The following TEC variants were observed in gnomAD, a reference collection of about 807,000 sequenced individuals.
TEC encodes the protein tyrosine-protein kinase Tec.
Under a neutral mutation model 93.0 loss-of-function variants are expected in TEC, and 72 were observed. The ratio of observed to expected loss-of-function variants is 0.77; its 90% CI spans 0.64 to 0.94. TEC has a LOEUF of 0.94. TEC is among the 40% of genes least tolerant of loss of function. The pLI is 0.00. For synonymous variants in TEC, 249 were observed against 247.7 expected (o/e 1.01, Z -0.05); for missense variants, 630 against 757.9 (o/e 0.83, Z 1.98).
At position 48,233,050 on chromosome 4, in the gene TEC, C is replaced by A. The variant is rs557167358; in HGVS notation, c.-45-4391G>T. 2.0e-5 allele frequency among the ~76,000 whole-genome samples: 3 copies of A among 152,264 alleles called. No individual in the cohort carries two copies. The South Asian group carries it at 6.2e-4, about 32-fold the overall frequency. The stretch of plus-strand genomic sequence containing the variant: ...AAAACTAGAGGTTTATTTCGGAAGA[C>A]TATAAAACACAGGGTCTCTATCCTG... On this transcript the variant is annotated intron_variant, in intron 1 of 17. Coordinates refer to ENST00000381501, the MANE Select transcript of TEC (RefSeq NM_003215.3).
At chr4:48,191,546 C>T (rs1391574988) in intron 2 of TEC, among the ~76,000 whole-genome samples, 1 of 152,108 alleles carries the variant, frequency 6.6e-6, no homozygotes, top group Non-Finnish European at 1.5e-5. Context: ...GACTATAATG[C>T]ATAAAATATC....
Position 48,225,163 on chromosome 4 carries a change from T to G in TEC, c.138+3314A>C, listed in dbSNP as rs578136324. 7.2e-5 allele frequency among the ~76,000 whole-genome samples: 11 copies of G among 152,174 alleles called. No homozygotes were observed. In the South Asian group the frequency reaches 2.1e-3, roughly 29 times the overall value. ...CACAGATTACTCATGTCACATCCTT[T>G]TTTTCTCTTTCTTTTTTTCTTTTCC... On this transcript the variant is annotated intron_variant, in intron 2 of 17. Transcript: ENST00000381501.
intron 5 of TEC, among the ~76,000 whole-genome samples, chr4:48,169,792 A>T (rs933301871): frequency 2.0e-5 from 3 of 152,220 alleles, no homozygotes; most frequent in African/African-American, 7.2e-5. Flanking sequence ...CTCAACATTT[A>T]CATGTGAGTA....
At chr4:48,213,158 A>G (rs532189931) in intron 2 of TEC, among the ~76,000 whole-genome samples, 1 of 152,364 alleles carries the variant, frequency 6.6e-6, no homozygotes, top group South Asian at 2.1e-4. Context: ...ATAAAGATAG[A>G]ATAAGAAACA....
At chr4:48,222,831 G>A (rs1723310772) in intron 2 of TEC, among the ~76,000 whole-genome samples, 1 of 152,034 alleles carries the variant, frequency 6.6e-6, no homozygotes, top group Non-Finnish European at 1.5e-5. Flanking sequence ...AGAACAGACT[G>A]TGAAACCTCT....
At chr4:48,198,886 T>C (rs1722394910) in intron 2 of TEC, among the ~76,000 whole-genome samples, 1 of 152,222 alleles carries the variant, frequency 6.6e-6, no homozygotes, top group Non-Finnish European at 1.5e-5. Flanking sequence ...CTGTGCAAAA[T>C]GTATATTCAA....
At chr4:48,261,167 C>A (rs2109679133) in intron 1 of TEC, among the ~76,000 whole-genome samples, 1 of 152,206 alleles carries the variant, frequency 6.6e-6, no homozygotes, top group Non-Finnish European at 1.5e-5. Context: ...TTATTTCATG[C>A]AATGCTTCTA....
intron 9 of TEC, among the ~76,000 whole-genome samples, chr4:48,151,824 A>G (rs145716765): frequency 3.9e-4 from 59 of 152,352 alleles, no homozygotes; most frequent in African/African-American, 1.4e-3. Context: ...TGGAGGCACA[A>G]GTAACTTAAA....
At chr4:48,220,812 C>G (rs1371708928) in intron 2 of TEC, among the ~76,000 whole-genome samples, 1 of 152,196 alleles carries the variant, frequency 6.6e-6, no homozygotes, top group Non-Finnish European at 1.5e-5. Flanking sequence ...CTCTCCAATT[C>G]TTGGCACACA....
chr4:48,239,184 G>A (rs1002115802), intron 1 of TEC, among the ~76,000 whole-genome samples: 9 of 151,974 alleles, frequency 5.9e-5, no homozygotes, highest in African/African-American at 2.2e-4. Flanking sequence ...CGTAAAAGAA[G>A]TCAAAATTTT....
chr4:48,155,595 C>T (rs1368903278), intron 9 of TEC, among the ~76,000 whole-genome samples: 4 of 152,182 alleles, frequency 2.6e-5, no homozygotes, highest in Non-Finnish European at 5.9e-5. Flanking sequence ...GTCAGAGGAA[C>T]ACTCTAATAG....
At chr4:48,229,314 G>A (rs954777120) in intron 1 of TEC, among the ~76,000 whole-genome samples, 4 of 152,176 alleles carry the variant, frequency 2.6e-5, no homozygotes, top group African/African-American at 9.7e-5. Context: ...AGTCCACCTG[G>A]ATAAGAAAGT....
intron 1 of TEC, among the ~76,000 whole-genome samples, chr4:48,232,625 C>T (rs1420578963): frequency 2.0e-5 from 3 of 152,222 alleles, no homozygotes; most frequent in Non-Finnish European, 4.4e-5. Flanking sequence ...GGAAAAGTCT[C>T]CTCATGTAGA....
At chr4:48,146,206 T>C (rs1324351210) in intron 12 of TEC, 119 bp downstream of exon 12, 2 of 837,088 alleles carry the variant, frequency 2.4e-6, no homozygotes, top group Admixed American at 2.5e-5. Context: ...TAAAAACCTA[T>C]ACTATAAACT....
At chr4:48,233,125 A>G (rs1361225151) in intron 1 of TEC, among the ~76,000 whole-genome samples, 7 of 152,120 alleles carry the variant, frequency 4.6e-5, no homozygotes, top group Non-Finnish European at 2.9e-5. Context: ...GAAAAGGAGG[A>G]GCTTAAGTGA....
chr4:48,244,017 G>C (rs1255998284), intron 1 of TEC, among the ~76,000 whole-genome samples: 1 of 151,782 alleles, frequency 6.6e-6, no homozygotes, highest in African/African-American at 2.4e-5. Flanking sequence ...GTGATGCCTG[G>C]GCTGGGCTAA....
chr4:48,200,283 G>A (rs1012702750), intron 2 of TEC, among the ~76,000 whole-genome samples: 1 of 152,044 alleles, frequency 6.6e-6, no homozygotes, highest in Non-Finnish European at 1.5e-5. Flanking sequence ...GCTGGGGGGT[G>A]GGGAGTGAGG....
chr4:48,242,337 G>A (rs1212955824), intron 1 of TEC, among the ~76,000 whole-genome samples: 1 of 152,168 alleles, frequency 6.6e-6, no homozygotes, highest in East Asian at 1.9e-4. Flanking sequence ...TATTTGGCCT[G>A]ATCTAGCACC....
chr4:48,255,447 T>A (rs1488019313), intron 1 of TEC, among the ~76,000 whole-genome samples: 1 of 152,168 alleles, frequency 6.6e-6, no homozygotes, highest in Non-Finnish European at 1.5e-5. Context: ...TGATCATCCC[T>A]GGGTAGTGTC....
Sources: gnomAD v4.1 joint callset for allele counts (sites outside exome capture counted in the v4.1 genomes callset) on GRCh38, gnomAD v4.1.1 for gene constraint, MANE v1.5 for transcripts, NCBI Gene and HGNC (gene_info 2026-07-23, HGNC 2026-07-21) for gene names.